Variants in TMEM183A observed in about 807,000 individuals in gnomAD.
TMEM183A encodes transmembrane protein 183A, also known as chromosome 1 open reading frame 37.
TMEM183A carries 21 observed loss-of-function variants against 46.7 expected under a neutral mutation model. The observed-to-expected ratio is 0.45, with a 90% CI of 0.32 to 0.65. The LOEUF (loss-of-function observed/expected upper bound fraction) is 0.65, where lower values mean the gene tolerates loss of function less well. Ranked by LOEUF, TMEM183A falls within the 30% of genes least tolerant of loss-of-function variation. The probability of loss-of-function intolerance (pLI) is 0.04; values close to 1 mark genes in which losing one functional copy is unlikely to be tolerated. For missense variants in TMEM183A, 331 were observed against 481.9 expected (o/e 0.69, Z 2.93); for synonymous variants, 165 against 180.2 (o/e 0.92, Z 0.68).
intron 6 of TMEM183A, among the ~76,000 whole-genome samples, chr1:203,019,161 G>T (rs1177429416): frequency 6.6e-6 from 1 of 152,198 alleles, no homozygotes; most frequent in Non-Finnish European, 1.5e-5. Context: ...TGGATTTTGG[G>T]TTTGTGGATT....
At chr1:203,020,981 CCTTTTT>C in intron 7 of TMEM183A, 33 bp downstream of exon 7, 2 of 1,271,988 alleles carry the variant, frequency 1.6e-6, no homozygotes, top group Non-Finnish European at 1.0e-6. Flanking sequence ...ATTCTCAGCT[CCTTTTT>C]TTTTTTTTTT....
chr1:203,013,756 G>A lies in TMEM183A; in HGVS notation c.368-1133G>A, dbSNP rs1008729553. Reference sequence around the variant, plus strand: ...TCTCGATCTCCTGACCTCGCGATTCGCCCACCTCGGCCTCCCAAAGTGTTG... The same window carrying A: ...TCTCGATCTCCTGACCTCGCGATTCACCCACCTCGGCCTCCCAAAGTGTTG... On this transcript the variant is annotated intron_variant, in intron 3 of 7. Transcript: ENST00000367242. The surrounding 1 kb of genome is among the most constrained non-coding windows in gnomAD (Gnocchi z 4.0). Among the ~76,000 whole-genome samples the A allele has an allele frequency of 5.9e-5, 9 of 151,662 alleles. No individual in the cohort carries two copies. Among genetic ancestry groups the A allele is most frequent in the South Asian group, 2.1e-4 (1 of 4,816 alleles).
rs752721219 is a variant in TMEM183A, at chr1:203,014,859, G to T, written c.368-30G>T. The T allele has an allele frequency of 2.5e-6, 4 of 1,612,418 alleles. No homozygotes were observed. The Admixed American group carries it at 5.0e-5, about 20-fold the overall frequency. On this transcript the variant is annotated intron_variant, in intron 3 of 7. Transcript: ENST00000367242. ...GAGTATCTTTAGATATGGTGTAGAA[G>T]ATCAGAGATTATTCTTTTTTTTGTT...
Position 203,023,215 on chromosome 1 carries a change from A to G in TMEM183A, c.*175A>G. The G allele has an allele frequency of 1.8e-6, 1 of 567,748 alleles. No individual in the cohort carries two copies. Among genetic ancestry groups the G allele is most frequent in the Non-Finnish European group, 2.8e-6 (1 of 351,548 alleles). The allele number at this position is 567,748 out of a possible 1,614,324, so 35.2% of individuals were successfully genotyped here. A position where few individuals can be genotyped will look rare whatever the true frequency, so the allele number is the denominator to read the frequency against. Reference sequence around the variant, plus strand: ...TGAATCAAGAGGGAAAACAACTACTATGATTTATAAACATATTTTAATGTA... The same window carrying G: ...TGAATCAAGAGGGAAAACAACTACTGTGATTTATAAACATATTTTAATGTA... On this transcript the variant is annotated 3_prime_UTR_variant, in exon 8 of 8. Coordinates refer to ENST00000367242, the MANE Select transcript of TMEM183A (RefSeq NM_138391.6).
In TMEM183A at chr1:203,017,809, TC is replaced by T. The variant is rs891424753; in HGVS notation, c.709-668del. On this transcript the variant is annotated intron_variant, in intron 5 of 7. Transcript: ENST00000367242. The stretch of plus-strand genomic sequence containing the variant: ...CGTTGTGATGGCAGCAGAAGTGTTT[TC>T]CCCTTAAAGCCAAGCCCATTAATTT... 1.7e-4 allele frequency: 172 copies of T among 985,882 alleles called. No homozygotes were observed. The African/African-American group carries it at 2.8e-3, about 16-fold the overall frequency. 61.1% of individuals were successfully genotyped at this position (985,882 alleles called of 1,614,324 possible).
At chr1:203,014,518 G>A (rs1656976928) in intron 3 of TMEM183A, among the ~76,000 whole-genome samples, 1 of 152,110 alleles carries the variant, frequency 6.6e-6, no homozygotes, top group Non-Finnish European at 1.5e-5. Context: ...CATGAGAATT[G>A]CTTGAAACCA....
intron 6 of TMEM183A, among the ~76,000 whole-genome samples, chr1:203,019,557 A>G (rs111596679): frequency 6.6e-6 from 1 of 152,240 alleles, no homozygotes; most frequent in African/African-American, 2.4e-5. Context: ...TTCCCAAAAG[A>G]TTAATTGCAG....
Position 203,015,945 on chromosome 1 carries a change from T to C in TMEM183A, c.528-15T>C, listed in dbSNP as rs755500011. ...ACAGGTCACATATTGGTAGGAGTAATGTGTCATGTTTCAGGCACTACACGC... is the reference window on the plus strand; with the variant it reads ...ACAGGTCACATATTGGTAGGAGTAACGTGTCATGTTTCAGGCACTACACGC... On this transcript the variant is annotated splice_polypyrimidine_tract_variant and intron_variant, in intron 4 of 7. Transcript: ENST00000367242. 9 of 1,612,032 alleles carry C rather than the reference T, an allele frequency of 5.6e-6. No individual in the cohort carries two copies. In the South Asian group the frequency reaches 6.6e-5, roughly 12 times the overall value.
Position 203,008,880 on chromosome 1 carries a change from A to G in TMEM183A, c.367+70A>G, listed in dbSNP as rs1656272179. The G allele has an allele frequency of 2.8e-6, 4 of 1,425,368 alleles. No individual in the cohort carries two copies. In the African/African-American group the frequency reaches 4.4e-5, roughly 16 times the overall value. 88.3% of individuals were successfully genotyped at this position (1,425,368 alleles called of 1,614,324 possible). On this transcript the variant is annotated intron_variant, in intron 3 of 7. Coordinates refer to ENST00000367242, the MANE Select transcript of TMEM183A (RefSeq NM_138391.6). The stretch of plus-strand genomic sequence containing the variant: ...GACAAATTGAAGATGTTACTTTCCC[A>G]GTAGCACAGGAGGAGATATAAGACG...
intron 2 of TMEM183A, 83 bp downstream of exon 2, chr1:203,007,946 A>T: frequency 6.5e-7 from 1 of 1,542,614 alleles, no homozygotes; most frequent in Non-Finnish European, 8.8e-7. Flanking sequence ...GCAGTCCTTT[A>T]GTCGTCTTCC....
intron 7 of TMEM183A, among the ~76,000 whole-genome samples, chr1:203,021,158 A>G (rs902427936): frequency 6.6e-6 from 1 of 151,500 alleles, no homozygotes; most frequent in Non-Finnish European, 1.5e-5. Context: ...TCAGCCTCCC[A>G]AGTAGTTAGG....
rs1656863831 is a variant in TMEM183A, at chr1:203,013,441, G to C, written c.368-1448G>C. Among the ~76,000 whole-genome samples the C allele has an allele frequency of 6.6e-6, 1 of 152,088 alleles. No individual in the cohort carries two copies. Among genetic ancestry groups the C allele is most frequent in the African/African-American group, 2.4e-5 (1 of 41,394 alleles). ...CCTGAGAAGTATAGTGGACATCAAG[G>C]TCAAGAGAATTAATGCTAATGAGTT... is the stretch of plus-strand genomic sequence containing the variant. On this transcript the variant is annotated intron_variant, in intron 3 of 7. Coordinates refer to ENST00000367242, the MANE Select transcript of TMEM183A (RefSeq NM_138391.6). This position sits in a 1 kb window ranked among gnomAD's most constrained non-coding sequence, Gnocchi z 4.0.
At position 203,013,327 on chromosome 1, in the gene TMEM183A, G is replaced by A. The variant is rs187707183; in HGVS notation, c.368-1562G>A. 5.9e-5 allele frequency among the ~76,000 whole-genome samples: 9 copies of A among 152,254 alleles called. No homozygotes were observed. The highest frequency in any genetic ancestry group is 2.2e-4 in the African/African-American group (9 of 41,546). ...GAAGGAAGAAAGCTGGTCATTTTAG[G>A]ATAGTTCTATGACTAGGTTTGAAAT... On this transcript the variant is annotated intron_variant, in intron 3 of 7. Coordinates refer to ENST00000367242, the MANE Select transcript of TMEM183A (RefSeq NM_138391.6). This position sits in a 1 kb window ranked among gnomAD's most constrained non-coding sequence, Gnocchi z 4.0.
rs1657895263 is a variant in TMEM183A at position 203,023,300 on chromosome 1, T to C, written c.*260T>C. 1.1e-5 allele frequency: 3 copies of C among 261,162 alleles called. No homozygotes were observed. The South Asian group carries it at 3.0e-4, about 26-fold the overall frequency. 16.2% of individuals were successfully genotyped at this position (261,162 alleles called of 1,614,324 possible). A position where few individuals can be genotyped will look rare whatever the true frequency, so the allele number is the denominator to read the frequency against. ...TGTGTTAAAACCCCATTTGGTGCTA[T>C]TGAGTTTGTTCTTTATTCTTTTATC... On this transcript the variant is annotated 3_prime_UTR_variant, in exon 8 of 8. Transcript: ENST00000367242.
chr1:203,007,668 G>A, intron 1 of TMEM183A, 94 bp downstream of exon 1: 1 of 1,545,580 alleles, frequency 6.5e-7, no homozygotes, highest in Admixed American at 1.9e-5. Context: ...CGTGCCCGCG[G>A]CTGGAGGGCG....
At chr1:203,011,509 C>T (rs777143617) in intron 3 of TMEM183A, among the ~76,000 whole-genome samples, 2 of 152,146 alleles carry the variant, frequency 1.3e-5, no homozygotes, top group East Asian at 1.9e-4. Context: ...CGGGTTCAAG[C>T]GATTCTCCTA....
chr1:203,022,270 C>G (rs920428092), intron 7 of TMEM183A, among the ~76,000 whole-genome samples: 3 of 151,982 alleles, frequency 2.0e-5, no homozygotes, highest in Non-Finnish European at 2.9e-5. Flanking sequence ...ATGGGGTTTG[C>G]TCAGGCTGGT....
At chr1:203,008,051 TTC>T (rs141086349) in intron 2 of TMEM183A, among the ~76,000 whole-genome samples, 188 bp downstream of exon 2, 1,581 of 152,364 alleles carry the variant, frequency 0.01, 55 homozygotes, top group Admixed American at 0.074. Flanking sequence ...AATATTTTCT[TTC>T]TTTCTTTGCA....
rs1206324419 is a variant in TMEM183A, at chr1:203,012,143, C to CTCCA, written c.368-2743_368-2740dup. 4.7e-5 allele frequency among the ~76,000 whole-genome samples: 6 copies of CTCCA among 128,890 alleles called. 1 individual carries two copies. The highest frequency in any genetic ancestry group is 1.8e-4 in the African/African-American group (6 of 32,748). 84.6% of individuals were successfully genotyped at this position (128,890 alleles called of 152,430 possible). A position where few individuals can be genotyped will look rare whatever the true frequency, so the allele number is the denominator to read the frequency against. On this transcript the variant is annotated intron_variant, in intron 3 of 7. Coordinates refer to ENST00000367242, the MANE Select transcript of TMEM183A (RefSeq NM_138391.6). ...TTTTTACTTCAACCATTACCCCCCA[C>CTCCA]TCCATCACACACACACACACACACA...
Sources: gnomAD v4.1 joint callset for allele counts (sites outside exome capture counted in the v4.1 genomes callset) on GRCh38, gnomAD v4.1.1 for gene constraint, Gnocchi (gnomAD v3.1) non-coding constraint, MANE v1.5 for transcripts, NCBI Gene and HGNC (gene_info 2026-07-23, HGNC 2026-07-21) for gene names.